PCDH15: variants seen among roughly 807,000 people sequenced by gnomAD.
The protein encoded by PCDH15 is protocadherin-15.
PCDH15 carries 129 observed loss-of-function variants against 178.5 expected under a neutral mutation model. The ratio of observed to expected loss-of-function variants is 0.72; its 90% CI spans 0.63 to 0.84. The LOEUF is 0.84. Ranked by LOEUF, PCDH15 falls within the 40% of genes least tolerant of loss-of-function variation. PCDH15 has a pLI of 0.00. For missense variants in PCDH15, 2,230 were observed against 2,099.9 expected (o/e 1.06, Z -1.21); for synonymous variants, 800 against 732.0 (o/e 1.09, Z -1.50).
intron 2 of PCDH15, among the ~76,000 whole-genome samples, chr10:55,540,783 A>G (rs1841742460): frequency 6.6e-6 from 1 of 152,162 alleles, no homozygotes; most frequent in South Asian, 2.1e-4. Context: ...TGATTATTGC[A>G]ACTCCCGAAG....
intron 1 of PCDH15, among the ~76,000 whole-genome samples, chr10:55,270,452 C>T (rs1018342946): frequency 1.3e-5 from 2 of 150,214 alleles, no homozygotes; most frequent in African/African-American, 4.9e-5. Context: ...AAAAAAAAAC[C>T]AAATAACTCC....
At chr10:54,809,576 C>G (rs893837328) in intron 3 of PCDH15, among the ~76,000 whole-genome samples, 1 of 152,112 alleles carries the variant, frequency 6.6e-6, no homozygotes, top group Non-Finnish European at 1.5e-5. Flanking sequence ...GTATTATTAT[C>G]TCCTTTTCAG....
intron 9 of PCDH15, among the ~76,000 whole-genome samples, chr10:54,232,432 T>C (rs2054168715): frequency 6.6e-6 from 1 of 152,230 alleles, no homozygotes; most frequent in African/African-American, 2.4e-5. Flanking sequence ...TAGTTATTTA[T>C]AGCAGTGCAA....
At chr10:54,676,163 ATCG>A (rs1353178351) in intron 1 of PCDH15, among the ~76,000 whole-genome samples, 1 of 152,020 alleles carries the variant, frequency 6.6e-6, no homozygotes, top group Non-Finnish European at 1.5e-5. Flanking sequence ...AATATTTTAA[ATCG>A]TCGAACTTAG....
chr10:54,576,135 C>G (rs200599644), intron 2 of PCDH15, among the ~76,000 whole-genome samples: 15 of 18,684 alleles, frequency 8.0e-4, no homozygotes, highest in Non-Finnish European at 2.4e-3. Context: ...ACGTATGTAT[C>G]CATCTATCTA....
rs10694770 is a variant in PCDH15 at position 54,753,895 on chromosome 10, T to TG, written c.-29+47029_-29+47030insC. On this transcript the variant is annotated intron_variant, in intron 1 of 37. Transcript: ENST00000644397. The stretch of plus-strand genomic sequence containing the variant: ...GTTGTTGTTTTTTTGTTTGTTTGTG[T>TG]TTTTTTTTTTTTTTTTGAGACTGAA... Among the ~76,000 whole-genome samples the TG allele has an allele frequency of 0.024, 10 of 414 alleles. No homozygotes were observed. In the South Asian group the frequency reaches 0.44, roughly 18 times the overall value. The allele number at this position is 414 out of a possible 152,430, so 0.3% of individuals were successfully genotyped here.
chr10:55,125,633 C>T (rs148399869), intron 2 of PCDH15, among the ~76,000 whole-genome samples: 11 of 152,076 alleles, frequency 7.2e-5, no homozygotes, highest in East Asian at 5.8e-4. Context: ...ATATCCATTA[C>T]GAGAGAAAAA....
intron 2 of PCDH15, among the ~76,000 whole-genome samples, chr10:54,609,889 T>C (rs140653172): frequency 6.6e-6 from 1 of 152,048 alleles, no homozygotes; most frequent in Non-Finnish European, 1.5e-5. Context: ...TAAATATTGG[T>C]TTAACACTTT....
intron 27 of PCDH15, among the ~76,000 whole-genome samples, chr10:53,865,587 T>C (rs2079392294): frequency 6.6e-6 from 1 of 152,194 alleles, no homozygotes; most frequent in Non-Finnish European, 1.5e-5. Context: ...TGATCAAAAA[T>C]TTATGTCAAA....
At chr10:55,070,096 A>G (rs1361026256) in intron 2 of PCDH15, among the ~76,000 whole-genome samples, 2 of 150,730 alleles carry the variant, frequency 1.3e-5, no homozygotes, top group South Asian at 2.1e-4. Context: ...GTGTCTGTTC[A>G]TGTCCTTCGC....
intron 2 of PCDH15, among the ~76,000 whole-genome samples, chr10:54,657,667 T>C (rs2094431201): frequency 1.3e-5 from 2 of 152,080 alleles, no homozygotes; most frequent in Non-Finnish European, 2.9e-5. Flanking sequence ...AAGCATATCA[T>C]ACACATCATA....
chr10:54,956,325 T>C (rs1268496728), intron 2 of PCDH15, among the ~76,000 whole-genome samples: 1 of 151,536 alleles, frequency 6.6e-6, no homozygotes, highest in Non-Finnish European at 1.5e-5. Context: ...ATATACTACA[T>C]GGTAAACAAT....
At chr10:54,971,380 GA>G (rs915892119) in intron 2 of PCDH15, among the ~76,000 whole-genome samples, 4 of 152,006 alleles carry the variant, frequency 2.6e-5, no homozygotes, top group Non-Finnish European at 5.9e-5. Flanking sequence ...TCCCTGCAGG[GA>G]CATGTCAAAA....
At chr10:55,095,657 ATTAAAATAGC>A (rs1842433318) in intron 2 of PCDH15, among the ~76,000 whole-genome samples, 1 of 152,108 alleles carries the variant, frequency 6.6e-6, no homozygotes, top group African/African-American at 2.4e-5. Context: ...TTTGCAAAAG[ATTAAAATAGC>A]TTTCTAGGCC....
intron 2 of PCDH15, among the ~76,000 whole-genome samples, chr10:55,066,056 CAT>C (rs547625383): frequency 7.6e-4 from 116 of 151,996 alleles, no homozygotes; most frequent in South Asian, 5.0e-3. Flanking sequence ...TTTTTGTTCA[CAT>C]ATGTCAGGAA....
At chr10:54,790,115 A>G (rs191608611) in intron 1 of PCDH15, among the ~76,000 whole-genome samples, 3 of 151,964 alleles carry the variant, frequency 2.0e-5, no homozygotes, top group East Asian at 2.0e-4. Flanking sequence ...CTCCTTCCCC[A>G]TAACTAAGAT....
At position 54,137,354 on chromosome 10, in the gene PCDH15, T is replaced by C. The variant is rs187307232; in HGVS notation, c.1785-4347A>G. ...ATTATATTTCACCTGGTAATAAAGG[T>C]CAAAGTAGCACAAAAGAGGTAATAT... is the stretch of plus-strand genomic sequence containing the variant. On this transcript the variant is annotated intron_variant, in intron 14 of 37. Coordinates refer to ENST00000644397, the MANE Select transcript of PCDH15 (RefSeq NM_001384140.1). 1.6e-3 allele frequency among the ~76,000 whole-genome samples: 247 copies of C among 152,250 alleles called. 1 individual carries two copies. The highest frequency in any genetic ancestry group is 6.8e-3 in the Middle Eastern group (2 of 292).
chr10:54,522,091 A>AG (rs1487555216), intron 3 of PCDH15, among the ~76,000 whole-genome samples: 4 of 150,384 alleles, frequency 2.7e-5, no homozygotes, highest in African/African-American at 9.7e-5. Context: ...CCATCTCAAA[A>AG]AAAAAAAAAA....
intron 2 of PCDH15, among the ~76,000 whole-genome samples, chr10:55,081,084 A>G (rs1842029385): frequency 1.3e-5 from 2 of 152,042 alleles, no homozygotes; most frequent in Non-Finnish European, 2.9e-5. Flanking sequence ...TGCACAGAGG[A>G]GGCTTCTTAT....
Sources: gnomAD v4.1 joint callset for allele counts (sites outside exome capture counted in the v4.1 genomes callset) on GRCh38, gnomAD v4.1.1 for gene constraint, MANE v1.5 for transcripts, NCBI Gene and HGNC (gene_info 2026-07-23, HGNC 2026-07-21) for gene names.